Variants in SLC2A14 observed in about 807,000 individuals in gnomAD.
SLC2A14 encodes solute carrier family 2 member 14, also known as solute carrier family 2, facilitated glucose transporter member 14.
A neutral mutation model predicts 43.0 loss-of-function variants in SLC2A14; 13 were observed. That is an observed-to-expected ratio of 0.30 (90% confidence interval 0.20 to 0.48). The LOEUF is 0.48. Among genes scored for constraint, SLC2A14 ranks in the 20% least tolerant of loss-of-function variants. The pLI is 0.99. For synonymous variants in SLC2A14, 190 were observed against 233.8 expected (o/e 0.81, Z 1.71); for missense variants, 428 against 620.4 (o/e 0.69, Z 3.29).
chr12:7,861,957 A>T (rs1369387570), intron 2 of SLC2A14, among the ~76,000 whole-genome samples: 2 of 57,240 alleles, frequency 3.5e-5, no homozygotes, highest in African/African-American at 1.7e-4. Flanking sequence ...GCGAGACTCC[A>T]TTTCAAAAAA....
At chr12:7,833,209 C>T (rs1353763120) in intron 2 of SLC2A14, among the ~76,000 whole-genome samples, 1 of 152,100 alleles carries the variant, frequency 6.6e-6, no homozygotes, top group East Asian at 1.9e-4. Flanking sequence ...ATTTTGGAAA[C>T]AAATACAGTG....
chr12:7,888,536 A>G (rs1945722993), intron 1 of SLC2A14, among the ~76,000 whole-genome samples: 1 of 152,132 alleles, frequency 6.6e-6, no homozygotes. Flanking sequence ...GCAGTGGCTC[A>G]CACCTGTAAT....
chr12:7,828,829 A>C lies in SLC2A14; in HGVS notation c.551T>G (p.Leu184Arg). ...GGTAAAGCCTAATAGCACCGGCCAT[A>C]GCTCTTCAGACCCAAGGATGAGTTC... is the stretch of plus-strand genomic sequence containing the variant. ...GLELILGSEE[L>R]WPVLLGFTIL... The change falls in exon 6 of 11, where the codon CTA (leucine) becomes CGA (arginine). Residue 184 changes from leucine to arginine, a missense_variant. Leu to Arg is a moderately radical substitution (Grantham distance 102). Coordinates refer to ENST00000431042, the MANE Select transcript of SLC2A14 (RefSeq NM_001286234.2). 1 of 1,614,212 alleles carries C rather than the reference A, an allele frequency of 6.2e-7. No homozygotes were observed. The highest frequency in any genetic ancestry group is 8.5e-7 in the Non-Finnish European group (1 of 1,180,032).
rs750392987 is a variant in SLC2A14 at position 7,866,728 on chromosome 12, G to T, written c.18+3135C>A. On this transcript the variant is annotated intron_variant, in intron 2 of 10. Coordinates refer to ENST00000431042, the MANE Select transcript of SLC2A14 (RefSeq NM_001286234.2). Reference sequence around the variant, plus strand: ...GAAGCTGTAGAAGAAATGTTAGAAGGTAGCAGAAGTTGGTTCATGAGGTTT... The same window carrying T: ...GAAGCTGTAGAAGAAATGTTAGAAGTTAGCAGAAGTTGGTTCATGAGGTTT... 8.5e-5 allele frequency among the ~76,000 whole-genome samples: 13 copies of T among 152,260 alleles called. No homozygotes were observed. In the East Asian group the frequency reaches 2.5e-3, roughly 29 times the overall value.
chr12:7,839,879 C>T (rs1437338347), intron 2 of SLC2A14: 10 of 438,768 alleles, frequency 2.3e-5, no homozygotes, highest in Non-Finnish European at 2.2e-5. Context: ...TTCTTATTTC[C>T]CCCTTTTGGA....
At chr12:7,858,802 A>G (rs1196455594) in intron 2 of SLC2A14, among the ~76,000 whole-genome samples, 3 of 152,034 alleles carry the variant, frequency 2.0e-5, no homozygotes, top group African/African-American at 4.8e-5. Flanking sequence ...CCCAGCCCCA[A>G]ATTTTAAATT....
chr12:7,882,290 G>C (rs773452503), intron 1 of SLC2A14, among the ~76,000 whole-genome samples: 7 of 151,656 alleles, frequency 4.6e-5, no homozygotes, highest in Admixed American at 1.3e-4. Context: ...GTGAAGGTCT[G>C]CAGGTTCACT....
chr12:7,871,047 C>T lies in SLC2A14; in HGVS notation c.-57-1110G>A, dbSNP rs570663599. On this transcript the variant is annotated intron_variant, in intron 1 of 10. Coordinates refer to ENST00000431042, the MANE Select transcript of SLC2A14 (RefSeq NM_001286234.2). ...ACAAGCTGGCTTCACCGCGGAAGAA[C>T]CCCATGGATGAATACCTGCAGGGCA... 1.0e-4 allele frequency: 142 copies of T among 1,416,994 alleles called. 1 individual carries two copies. Among genetic ancestry groups the T allele is most frequent in the Middle Eastern group, 4.0e-4 (2 of 5,026 alleles). 87.8% of individuals were successfully genotyped at this position (1,416,994 alleles called of 1,614,324 possible).
rs1345947270 is a variant in SLC2A14 at position 7,813,070 on chromosome 12, C to A, written c.*1246G>T. On this transcript the variant is annotated 3_prime_UTR_variant, in exon 11 of 11. Coordinates refer to ENST00000431042, the MANE Select transcript of SLC2A14 (RefSeq NM_001286234.2). ...ATGGTAACAGACATACGCAAGCGTG[C>A]CGTGAGCCTAAAGCAACAACACACT... The A allele has an allele frequency of 6.6e-6, 1 of 151,426 alleles. No individual in the cohort carries two copies. The highest frequency in any genetic ancestry group is 1.5e-5 in the Non-Finnish European group (1 of 67,912). 9.4% of individuals were successfully genotyped at this position (151,426 alleles called of 1,614,324 possible).
At chr12:7,862,811 G>A (rs1944657555) in intron 2 of SLC2A14, among the ~76,000 whole-genome samples, 1 of 152,156 alleles carries the variant, frequency 6.6e-6, no homozygotes, top group Non-Finnish European at 1.5e-5. Context: ...TTATCTAGCT[G>A]CTCTGGTGGG....
At chr12:7,867,010 C>T (rs1252211870) in intron 2 of SLC2A14, among the ~76,000 whole-genome samples, 2 of 149,942 alleles carry the variant, frequency 1.3e-5, no homozygotes, top group African/African-American at 4.9e-5. Context: ...TGCTCAATCT[C>T]GGCTCACGCC....
intron 2 of SLC2A14, among the ~76,000 whole-genome samples, chr12:7,839,456 A>G (rs1011903351): frequency 2.0e-5 from 3 of 152,246 alleles, no homozygotes; most frequent in East Asian, 1.9e-4. Context: ...GAAGACAGCT[A>G]GGAGTCTGCT....
chr12:7,874,827 TTATATATAAATAC>T (rs1945402637), upstream of SLC2A14, among the ~76,000 whole-genome samples: 1 of 83,626 alleles, frequency 1.2e-5, no homozygotes, highest in Non-Finnish European at 2.6e-5. Context: ...TATATATAAA[TTATATATAAATAC>T]GTATTTATAT....
At chr12:7,871,961 A>C in intron 1 of SLC2A14, 1 of 957,580 alleles carries the variant, frequency 1.0e-6, no homozygotes, top group Non-Finnish European at 1.2e-6. Context: ...GAGCATGGAA[A>C]AAAAACAAAA....
chr12:7,834,054 CT>C (rs35453883), intron 2 of SLC2A14, among the ~76,000 whole-genome samples: 49,671 of 151,902 alleles, frequency 0.33, 9,182 homozygotes, highest in Admixed American at 0.43. Flanking sequence ...TGCCTGCGGC[CT>C]CTCAGATGTC....
At chr12:7,831,793 T>C (rs1865051089) in intron 3 of SLC2A14, 29 bp from the exon 4 acceptor site, 1 of 1,612,482 alleles carries the variant, frequency 6.2e-7, no homozygotes, top group South Asian at 1.1e-5. Context: ...GAGGACAGAC[T>C]ATTACAGTTG....
intron 2 of SLC2A14, among the ~76,000 whole-genome samples, chr12:7,846,921 C>T (rs1866518752): frequency 6.6e-6 from 1 of 151,420 alleles, no homozygotes; most frequent in Non-Finnish European, 1.5e-5. Flanking sequence ...TGTGAGCCAC[C>T]ACGTCTGGTC....
At chr12:7,891,140 T>G (rs1047497717) in exon 1 of SLC2A14, 3 of 1,531,214 alleles carry the variant, frequency 2.0e-6, no homozygotes, top group Non-Finnish European at 2.6e-6. Flanking sequence ...TGAACAAAAG[T>G]CAGGTTGTGT....
chr12:7,864,040 TCTC>T (rs1944771144), intron 2 of SLC2A14, among the ~76,000 whole-genome samples: 1 of 151,748 alleles, frequency 6.6e-6, no homozygotes, highest in Non-Finnish European at 1.5e-5. Context: ...ATGGTCTTGA[TCTC>T]CTAACCTCGT....
Sources: gnomAD v4.1 joint callset for allele counts (sites outside exome capture counted in the v4.1 genomes callset) on GRCh38, gnomAD v4.1.1 for gene constraint, MANE v1.5 for transcripts, NCBI Gene and HGNC (gene_info 2026-07-23, HGNC 2026-07-21) for gene names.